CDH8: variants seen among roughly 807,000 people sequenced by gnomAD.
CDH8 encodes the protein cadherin 8.
CDH8 carries 17 observed loss-of-function variants against 68.1 expected under a neutral mutation model. The observed-to-expected ratio is 0.25, with a 90% CI of 0.17 to 0.37. CDH8 has a LOEUF of 0.37. Ranked by LOEUF, CDH8 falls within the 10% of genes least tolerant of loss-of-function variation. CDH8 has a pLI of 1.00. For synonymous variants in CDH8, 372 were observed against 365.1 expected, an observed-to-expected ratio of 1.02 and a Z score of -0.21; for missense variants, 763 against 999.3, an observed-to-expected ratio of 0.76 and a Z score of 3.19.
chr16:61,908,021 C>T (rs866229197), intron 2 of CDH8, among the ~76,000 whole-genome samples: 5 of 134,442 alleles, frequency 3.7e-5, no homozygotes, highest in Admixed American at 8.3e-5. Flanking sequence ...CCAGCCTGCG[C>T]GACAGAGTGA....
chr16:61,972,566 T>C (rs1192871584), intron 2 of CDH8, among the ~76,000 whole-genome samples: 1 of 93,170 alleles, frequency 1.1e-5, no homozygotes, highest in African/African-American at 5.2e-5. Flanking sequence ...TGGGAACACA[T>C]TGTGGGTGTG....
intron 9 of CDH8, among the ~76,000 whole-genome samples, chr16:61,715,123 T>G (rs1164470851): frequency 6.6e-6 from 1 of 151,666 alleles, no homozygotes; most frequent in African/African-American, 2.4e-5. Context: ...TTTTTTAATT[T>G]CTAGGTCTCC....
At chr16:61,708,296 T>C (rs1367238923) in intron 10 of CDH8, among the ~76,000 whole-genome samples, 1 of 152,144 alleles carries the variant, frequency 6.6e-6, no homozygotes, top group African/African-American at 2.4e-5. Flanking sequence ...CTATAAACTA[T>C]AAAATCTATG....
chr16:61,982,508 C>A (rs1384755973), intron 2 of CDH8, among the ~76,000 whole-genome samples: 1 of 152,182 alleles, frequency 6.6e-6, no homozygotes, highest in Non-Finnish European at 1.5e-5. Flanking sequence ...CGTGAACCAC[C>A]GCGCCCGGCT....
rs745949180 is a variant in CDH8 at position 61,650,706 on chromosome 16, T to TGTGTGAGAGAGAGA, written c.*2901_*2902insTCTCTCTCTCACAC. The TGTGTGAGAGAGAGA allele has an allele frequency of 3.6e-4, 42 of 116,664 alleles. No individual in the cohort carries two copies. The highest frequency in any genetic ancestry group is 4.0e-3 in the Middle Eastern group (1 of 248). The allele number at this position is 116,664 out of a possible 1,614,324, so 7.2% of individuals were successfully genotyped here. A position where few individuals can be genotyped will look rare whatever the true frequency, so the allele number is the denominator to read the frequency against. On this transcript the variant is annotated 3_prime_UTR_variant, in exon 12 of 12. Transcript: ENST00000577390. ...GTGTGTGTGTGTGTGTGTGTGTGTG[T>TGTGTGAGAGAGAGA]GAGAGAGAGAGAGAGAGAGAGAGAG... is the stretch of plus-strand genomic sequence containing the variant.
intron 3 of CDH8, among the ~76,000 whole-genome samples, chr16:61,866,239 G>A (rs1963250932): frequency 2.0e-5 from 3 of 150,944 alleles, no homozygotes; most frequent in Non-Finnish European, 4.4e-5. Context: ...AAAAAAAAAA[G>A]AAATGTAATT....
chr16:61,764,209 T>C (rs1216396276), intron 8 of CDH8, among the ~76,000 whole-genome samples: 1 of 152,082 alleles, frequency 6.6e-6, no homozygotes, highest in East Asian at 1.9e-4. Flanking sequence ...GACTCTCCCA[T>C]AGTCACATAG....
chr16:61,744,503 T>C (rs775571618), intron 8 of CDH8, among the ~76,000 whole-genome samples: 3 of 152,026 alleles, frequency 2.0e-5, no homozygotes, highest in Admixed American at 6.6e-5. Flanking sequence ...ACATGATCTG[T>C]GTCTTGCTTC....
intron 2 of CDH8, among the ~76,000 whole-genome samples, chr16:61,993,857 G>T (rs1048463525): frequency 1.8e-4 from 28 of 152,200 alleles, no homozygotes; most frequent in African/African-American, 6.0e-4. Context: ...TTGTTTTAGA[G>T]CTAGTTCATA....
intron 2 of CDH8, among the ~76,000 whole-genome samples, chr16:61,971,098 C>A (rs1965332678): frequency 6.6e-6 from 1 of 152,108 alleles, no homozygotes; most frequent in Non-Finnish European, 1.5e-5. Context: ...TCCACCCTGC[C>A]CGCAAAACAT....
intron 8 of CDH8, among the ~76,000 whole-genome samples, chr16:61,768,001 G>T (rs888325891): frequency 6.6e-6 from 1 of 151,836 alleles, no homozygotes; most frequent in Non-Finnish European, 1.5e-5. Flanking sequence ...GGGCAGTTTT[G>T]TAAAGTACTT....
intron 8 of CDH8, among the ~76,000 whole-genome samples, chr16:61,774,295 C>T (rs1391159382): frequency 2.6e-5 from 4 of 151,770 alleles, no homozygotes; most frequent in African/African-American, 4.8e-5. Context: ...ACAGGGGACG[C>T]GAGGCTCCTC....
intron 2 of CDH8, among the ~76,000 whole-genome samples, chr16:61,905,811 G>A (rs1000826797): frequency 1.3e-5 from 2 of 151,790 alleles, no homozygotes; most frequent in African/African-American, 4.8e-5. Context: ...CAGGAGAATC[G>A]TTGAACCCCG....
chr16:61,784,877 C>T (rs931421663), intron 8 of CDH8, among the ~76,000 whole-genome samples: 1 of 152,182 alleles, frequency 6.6e-6, no homozygotes, highest in Non-Finnish European at 1.5e-5. Flanking sequence ...TAAAGATGTT[C>T]TTTAAAACCA....
chr16:61,711,743 G>A (rs1432066612), intron 10 of CDH8: 1 of 151,490 alleles, frequency 6.6e-6, no homozygotes. Flanking sequence ...TTGAAGATTT[G>A]GATCCTAAAT....
chr16:61,783,778 T>C (rs920345655), intron 8 of CDH8, among the ~76,000 whole-genome samples: 1 of 151,968 alleles, frequency 6.6e-6, no homozygotes, highest in Non-Finnish European at 1.5e-5. Context: ...GTGGGGCCAA[T>C]ATTCAACATT....
At chr16:61,944,059 G>A (rs1223791310) in intron 2 of CDH8, among the ~76,000 whole-genome samples, 2 of 152,174 alleles carry the variant, frequency 1.3e-5, no homozygotes, top group Non-Finnish European at 2.9e-5. Context: ...CCCTGAATAG[G>A]AGTTGTGTGT....
At chr16:61,955,884 A>ATTATC (rs559549985) in intron 2 of CDH8, among the ~76,000 whole-genome samples, 113 of 152,296 alleles carry the variant, frequency 7.4e-4, no homozygotes, top group African/African-American at 2.7e-3. Flanking sequence ...CCCCAAATAC[A>ATTATC]CAGTTCCATT....
At chr16:62,017,149 A>G (rs1401668683) in intron 2 of CDH8, among the ~76,000 whole-genome samples, 1 of 152,174 alleles carries the variant, frequency 6.6e-6, no homozygotes, top group African/African-American at 2.4e-5. Context: ...AGCAGTTCCT[A>G]TATGCAGGCA....
Sources: allele counts gnomAD v4.1 joint callset (sites outside exome capture counted in the v4.1 genomes callset), GRCh38; gene constraint gnomAD v4.1.1; transcripts MANE v1.5; gene names NCBI Gene and HGNC (gene_info 2026-07-23, HGNC 2026-07-21).